The following TSPAN18 variants were observed in gnomAD, a reference collection of about 807,000 sequenced individuals.
The protein encoded by TSPAN18 is tetraspanin 18, also known as tetraspanin-18.
Under a neutral mutation model 27.3 loss-of-function variants are expected in TSPAN18, and 14 were observed. The observed-to-expected ratio is 0.51, with a 90% confidence interval of 0.34 to 0.80. The LOEUF is 0.80. TSPAN18 is among the 30% of genes least tolerant of loss of function. The probability of loss-of-function intolerance (pLI) is 0.01; values close to 1 mark genes in which losing one functional copy is unlikely to be tolerated. For synonymous variants in TSPAN18, 143 were observed against 136.5 expected (o/e 1.05, Z -0.33); for missense variants, 268 against 323.9 (o/e 0.83, Z 1.32).
At chr11:44,744,872 C>G (rs1443048776) in intron 1 of TSPAN18, among the ~76,000 whole-genome samples, 1 of 152,176 alleles carries the variant, frequency 6.6e-6, no homozygotes, top group Non-Finnish European at 1.5e-5. Flanking sequence ...AATGCCAACG[C>G]TGATCGATTT....
At chr11:44,754,152 C>T (rs1565134493) in intron 1 of TSPAN18, among the ~76,000 whole-genome samples, 1 of 152,162 alleles carries the variant, frequency 6.6e-6, no homozygotes, top group South Asian at 2.1e-4. Flanking sequence ...TTGCCTCCTG[C>T]GGACCTTTTC....
intron 2 of TSPAN18, among the ~76,000 whole-genome samples, chr11:44,858,974 C>G (rs892880212): frequency 2.6e-5 from 4 of 152,318 alleles, no homozygotes; most frequent in Admixed American, 2.6e-4. Context: ...ACCCTCCCCC[C>G]GCTCCCCAGT....
intron 3 of TSPAN18, among the ~76,000 whole-genome samples, chr11:44,897,151 G>A (rs143000212): frequency 6.0e-4 from 92 of 152,258 alleles, no homozygotes; most frequent in African/African-American, 2.0e-3. Flanking sequence ...GGAATTCCCC[G>A]CAGGAGTGAT....
At chr11:44,909,940 G>C (rs1482561048) in intron 5 of TSPAN18, 41 bp downstream of exon 5, 2 of 1,564,826 alleles carry the variant, frequency 1.3e-6, no homozygotes, top group Admixed American at 3.6e-5. Flanking sequence ...GGTGCTCTGA[G>C]GGGTGTCAGG....
chr11:44,911,634 C>G (rs1859718614), intron 5 of TSPAN18, among the ~76,000 whole-genome samples: 1 of 152,110 alleles, frequency 6.6e-6, no homozygotes, highest in African/African-American at 2.4e-5. Flanking sequence ...CTTTCCCCCT[C>G]CTCACCTCGG....
At chr11:44,773,891 T>C (rs908832517) in intron 2 of TSPAN18, among the ~76,000 whole-genome samples, 8 of 152,176 alleles carry the variant, frequency 5.3e-5, no homozygotes, top group African/African-American at 1.7e-4. Flanking sequence ...GTACCCGTGC[T>C]TGGGGTTATG....
chr11:44,873,358 G>A (rs1047636695), intron 3 of TSPAN18, among the ~76,000 whole-genome samples: 2 of 152,130 alleles, frequency 1.3e-5, no homozygotes, highest in Non-Finnish European at 2.9e-5. Context: ...ATAATCCCAG[G>A]AATGCCACAG....
intron 2 of TSPAN18, among the ~76,000 whole-genome samples, chr11:44,837,396 T>G (rs1857285007): frequency 6.6e-6 from 1 of 152,186 alleles, no homozygotes; most frequent in South Asian, 2.1e-4. Context: ...TGATAAAGCC[T>G]TAGTGGATGA....
At chr11:44,833,449 A>G (rs1857196431) in intron 2 of TSPAN18, among the ~76,000 whole-genome samples, 1 of 152,070 alleles carries the variant, frequency 6.6e-6, no homozygotes, top group Non-Finnish European at 1.5e-5. Flanking sequence ...CACCTCCTCC[A>G]GGAAGCCCTC....
intron 3 of TSPAN18, among the ~76,000 whole-genome samples, chr11:44,895,009 C>T (rs1366793717): frequency 6.6e-6 from 1 of 152,186 alleles, no homozygotes; most frequent in Non-Finnish European, 1.5e-5. Context: ...CTTCAGTTTC[C>T]TCATCTGTAA....
At chr11:44,859,339 T>C (rs59406970) in intron 2 of TSPAN18, among the ~76,000 whole-genome samples, 6,785 of 152,260 alleles carry the variant, frequency 0.045, 424 homozygotes, top group African/African-American at 0.14. Flanking sequence ...CTCCTTAACA[T>C]TTATTGAGCA....
intron 8 of TSPAN18, among the ~76,000 whole-genome samples, chr11:44,921,363 G>A (rs1860127411): frequency 6.6e-6 from 1 of 152,160 alleles, no homozygotes; most frequent in Non-Finnish European, 1.5e-5. Context: ...GTTGGCAGAG[G>A]CTGCTGGCTG....
intron 2 of TSPAN18, among the ~76,000 whole-genome samples, chr11:44,786,915 A>T (rs970632039): frequency 6.6e-6 from 1 of 152,084 alleles, no homozygotes; most frequent in Non-Finnish European, 1.5e-5. Context: ...TACAGGCATG[A>T]GCCACCGCTC....
chr11:44,859,962 T>G (rs555934383), intron 2 of TSPAN18, among the ~76,000 whole-genome samples: 1 of 152,244 alleles, frequency 6.6e-6, no homozygotes, highest in Non-Finnish European at 1.5e-5. Flanking sequence ...CTTGGACTCA[T>G]GGACTTGCCT....
At chr11:44,898,728 C>A (rs1396457392) in intron 3 of TSPAN18, among the ~76,000 whole-genome samples, 1 of 152,158 alleles carries the variant, frequency 6.6e-6, no homozygotes, top group Non-Finnish European at 1.5e-5. Context: ...TCAGGATGAC[C>A]AACCCACTCC....
At chr11:44,766,518 C>T (rs1404548733) in intron 2 of TSPAN18, among the ~76,000 whole-genome samples, 1 of 122,402 alleles carries the variant, frequency 8.2e-6, no homozygotes, top group African/African-American at 2.5e-5. Context: ...TCCCCAGGAC[C>T]TTTCTTCTCA....
intron 3 of TSPAN18, among the ~76,000 whole-genome samples, chr11:44,864,303 A>C (rs1857976954): frequency 6.6e-6 from 1 of 151,338 alleles, no homozygotes; most frequent in African/African-American, 2.4e-5. Flanking sequence ...AAAAAAAAAA[A>C]AAACTTGGTG....
chr11:44,756,857 A>G (rs572156487), intron 1 of TSPAN18, among the ~76,000 whole-genome samples: 2 of 152,360 alleles, frequency 1.3e-5, no homozygotes, highest in Non-Finnish European at 2.9e-5. Context: ...GCTGTTGTGA[A>G]TAATCCTACT....
chr11:44,814,830 A>AAGAAAGCAAGTAC (rs1235784338), intron 2 of TSPAN18, among the ~76,000 whole-genome samples: 1 of 152,238 alleles, frequency 6.6e-6, no homozygotes, highest in Admixed American at 6.5e-5. Flanking sequence ...GCTAAAACTA[A>AAGAAAGCAAGTAC]AGAAAGCAAG....
Sources: allele counts gnomAD v4.1 joint callset (sites outside exome capture counted in the v4.1 genomes callset), GRCh38; gene constraint gnomAD v4.1.1; transcripts MANE v1.5; gene names NCBI Gene and HGNC (gene_info 2026-07-23, HGNC 2026-07-21).